PVALEF: variants seen among roughly 807,000 people sequenced by gnomAD.
PVALEF encodes the protein parvalbumin like EF-hand containing, also known as parvalbumin-like EF-hand-containing protein.
In PVALEF, 2 loss-of-function variants were observed where a neutral mutation model predicts 1.2. That is an observed-to-expected ratio of 1.68 (90% confidence interval 0.69 to 5.28). PVALEF has a LOEUF of 5.28. Ranked by LOEUF, PVALEF falls within the 30% of genes most tolerant of loss-of-function variation. The pLI is 0.06. For missense variants in PVALEF, 35 were observed against 17.7 expected (o/e 1.97, Z -1.75); for synonymous variants, 16 against 6.5 (o/e 2.47, Z -2.24).
At chr17:81,166,407 G>A (rs1210220783) in intron 1 of PVALEF, among the ~76,000 whole-genome samples, 1 of 95,252 alleles carries the variant, frequency 1.0e-5, no homozygotes, top group Admixed American at 9.7e-5. Context: ...GAGGGGGGAC[G>A]GGGGGCCGTG....
intron 2 of PVALEF, among the ~76,000 whole-genome samples, chr17:81,173,870 T>A (rs1392736563): frequency 6.6e-6 from 1 of 152,026 alleles, no homozygotes; most frequent in African/African-American, 2.4e-5. Context: ...CAGGCCAATA[T>A]CTCTCATGAA....
chr17:81,166,823 C>T lies in PVALEF; in HGVS notation c.-361C>T. 2.2e-6 allele frequency: 1 copy of T among 453,064 alleles called. No individual in the cohort carries two copies. Among genetic ancestry groups the T allele is most frequent in the Non-Finnish European group, 4.5e-6 (1 of 224,546 alleles). 28.1% of individuals were successfully genotyped at this position (453,064 alleles called of 1,614,324 possible). A position where few individuals can be genotyped will look rare whatever the true frequency, so the allele number is the denominator to read the frequency against. ...TGAAGGAAGAACCTGGCTGAGTCTCCACCTGCCGTGGACTGTACCAGGTGC... is the reference window on the plus strand; with the variant it reads ...TGAAGGAAGAACCTGGCTGAGTCTCTACCTGCCGTGGACTGTACCAGGTGC... On this transcript the variant is annotated 5_prime_UTR_variant, in exon 2 of 7. Coordinates refer to ENST00000637878, the MANE Select transcript of PVALEF (RefSeq NM_001354639.2).
chr17:81,167,636 C>CA (rs1486887175), intron 2 of PVALEF, among the ~76,000 whole-genome samples: 1 of 152,224 alleles, frequency 6.6e-6, no homozygotes, highest in Non-Finnish European at 1.5e-5. Context: ...TCCTAACAGG[C>CA]AAAGCAAGGG....
chr17:81,181,596 C>T lies in PVALEF; in HGVS notation c.144C>T (p.Arg48=). Residue 48 remains arginine (R), a synonymous_variant, in exon 5 of 7, where the codon CGC becomes CGT. Coordinates refer to ENST00000637878, the MANE Select transcript of PVALEF (RefSeq NM_001354639.2). ...FNYLKFFKHI[R]KLHASGQLDD... ...ACCTCAAGTTCTTCAAGCACATCCG[C>T]AAGCTCCACGCCTCGGGCCAGCTGG... is the stretch of plus-strand genomic sequence containing the variant. 2.3e-6 allele frequency: 1 copy of T among 435,382 alleles called. No individual in the cohort carries two copies. The highest frequency in any genetic ancestry group is 4.0e-6 in the Non-Finnish European group (1 of 249,458). 27.0% of individuals were successfully genotyped at this position (435,382 alleles called of 1,614,324 possible). A position where few individuals can be genotyped will look rare whatever the true frequency, so the allele number is the denominator to read the frequency against.
At chr17:81,165,779 G>A in intron 1 of PVALEF, 32 bp downstream of exon 1, 1 of 1,507,230 alleles carries the variant, frequency 6.6e-7, no homozygotes, top group Non-Finnish European at 8.9e-7. Context: ...CTGCCCCTCC[G>A]AGATCTGGGG....
At chr17:81,168,316 C>T (rs1054721584) in intron 2 of PVALEF, among the ~76,000 whole-genome samples, 3 of 152,194 alleles carry the variant, frequency 2.0e-5, no homozygotes, top group African/African-American at 7.2e-5. Context: ...GTGGCTGGGC[C>T]ACAGCTCAGG....
At chr17:81,182,750 C>A (rs2061559187) in intron 6 of PVALEF, among the ~76,000 whole-genome samples, 1 of 152,228 alleles carries the variant, frequency 6.6e-6, no homozygotes, top group African/African-American at 2.4e-5. Context: ...TTGTGACGAC[C>A]AAGCAGCTGG....
Position 81,166,664 on chromosome 17 carries a change from G to A in PVALEF, c.-507-13G>A, listed in dbSNP as rs2146438806. On this transcript the variant is annotated splice_polypyrimidine_tract_variant and intron_variant, in intron 1 of 6. Transcript: ENST00000637878. The stretch of plus-strand genomic sequence containing the variant: ...CGGGTCTTGGTGCTCAGGGGCCCTC[G>A]CCTCACTTGCAGGTTTCGAGGCGGC... 2.2e-6 allele frequency: 1 copy of A among 454,096 alleles called. No individual in the cohort carries two copies. The highest frequency in any genetic ancestry group is 7.0e-5 in the East Asian group (1 of 14,350). The allele number at this position is 454,096 out of a possible 1,614,324, so 28.1% of individuals were successfully genotyped here.
At chr17:81,169,155 G>A (rs2061509271) in intron 2 of PVALEF, among the ~76,000 whole-genome samples, 1 of 152,182 alleles carries the variant, frequency 6.6e-6, no homozygotes, top group South Asian at 2.1e-4. Flanking sequence ...GTGCAGAAGG[G>A]GCACAGGGCG....
At chr17:81,179,286 A>AGGTGG (rs1428484590) in intron 3 of PVALEF, 134 bp downstream of exon 3, 1 of 242,276 alleles carries the variant, frequency 4.1e-6, no homozygotes. Context: ...GACCCAGGGG[A>AGGTGG]GGTGGGGAAA....
At chr17:81,165,957 G>A in intron 1 of PVALEF, 16 of 1,585,842 alleles carry the variant, frequency 1.0e-5, no homozygotes, top group Non-Finnish European at 1.4e-5. Context: ...AGTGCGAGCT[G>A]AAGGCGAAGC....
chr17:81,170,226 CAT>C (rs2061515951), intron 2 of PVALEF, among the ~76,000 whole-genome samples: 1 of 148,826 alleles, frequency 6.7e-6, no homozygotes, highest in African/African-American at 2.5e-5. Flanking sequence ...GGTATGTGTG[CAT>C]GTATGTGTAC....
At position 81,181,189 on chromosome 17, in the gene PVALEF, C is replaced by T. The variant is rs1298408784; in HGVS notation, c.-38C>T. ...AAGCAGCACCCCCAATCCGTGCGTG[C>T]ACCCCACGAATTGACTCCCTATCCA... On this transcript the variant is annotated 5_prime_UTR_variant, in exon 4 of 7. Transcript: ENST00000637878. 2 of 702,928 alleles carry T rather than the reference C, an allele frequency of 2.8e-6. No individual in the cohort carries two copies. The highest frequency in any genetic ancestry group is 1.7e-5 in the African/African-American group (1 of 57,382). The allele number at this position is 702,928 out of a possible 1,614,324, so 43.5% of individuals were successfully genotyped here. A position where few individuals can be genotyped will look rare whatever the true frequency, so the allele number is the denominator to read the frequency against.
rs2061481043 is a variant in PVALEF at position 81,165,764 on chromosome 17, A to G, written c.-508+17A>G. 1.3e-6 allele frequency: 2 copies of G among 1,517,762 alleles called. No homozygotes were observed. Among genetic ancestry groups the G allele is most frequent in the South Asian group, 1.2e-5 (1 of 82,486 alleles). The allele number at this position is 1,517,762 out of a possible 1,614,324, so 94.0% of individuals were successfully genotyped here. On this transcript the variant is annotated intron_variant, in intron 1 of 6. Transcript: ENST00000637878. Reference sequence around the variant, plus strand: ...CGGAGGCCGGTTTGTGCTGGGGCCCAGGGCCTGCCCCTCCGAGATCTGGGG... The same window carrying G: ...CGGAGGCCGGTTTGTGCTGGGGCCCGGGGCCTGCCCCTCCGAGATCTGGGG...
intron 3 of PVALEF, 39 bp downstream of exon 3, chr17:81,179,191 G>A (rs762385501): frequency 1.1e-4 from 35 of 305,224 alleles, no homozygotes; most frequent in South Asian, 6.3e-4. Context: ...GTCTCTGGCC[G>A]CTGAGGTTAT....
chr17:81,177,425 G>GT (rs2061539401), intron 2 of PVALEF, among the ~76,000 whole-genome samples: 1 of 151,820 alleles, frequency 6.6e-6, no homozygotes, highest in African/African-American at 2.4e-5. Flanking sequence ...GCATGCACCT[G>GT]TAATTCCAGC....
intron 6 of PVALEF, 145 bp downstream of exon 6, chr17:81,182,226 G>A (rs2061557025): frequency 2.5e-6 from 1 of 396,182 alleles, no homozygotes; most frequent in Non-Finnish European, 4.4e-6. Context: ...CGGGAGTCTA[G>A]GTGCTCTTCC....
At chr17:81,182,806 G>A (rs1267090656) in intron 6 of PVALEF, among the ~76,000 whole-genome samples, 159 bp from the exon 7 acceptor site, 1 of 152,232 alleles carries the variant, frequency 6.6e-6, no homozygotes, top group African/African-American at 2.4e-5. Context: ...CGGCCAGATG[G>A]GCTGGAGGCC....
At chr17:81,169,746 G>A (rs1172088237) in intron 2 of PVALEF, among the ~76,000 whole-genome samples, 6 of 90,380 alleles carry the variant, frequency 6.6e-5, no homozygotes, top group East Asian at 1.9e-4. Flanking sequence ...GTGTGTGTAC[G>A]TGTCTATGTG....
Sources: allele counts gnomAD v4.1 joint callset (sites outside exome capture counted in the v4.1 genomes callset), GRCh38; gene constraint gnomAD v4.1.1; transcripts MANE v1.5; gene names NCBI Gene and HGNC (gene_info 2026-07-23, HGNC 2026-07-21).